EHHADH: variants seen among roughly 807,000 people sequenced by gnomAD.
The protein encoded by EHHADH is enoyl-CoA hydratase and 3-hydroxyacyl CoA dehydrogenase.
EHHADH carries 48 observed loss-of-function variants against 64.4 expected under a neutral mutation model. That is an observed-to-expected ratio of 0.75 (90% CI 0.59 to 0.95). The LOEUF (loss-of-function observed/expected upper bound fraction) is 0.95. EHHADH is among the 40% of genes least tolerant of loss of function. EHHADH has a pLI of 0.00. For missense variants in EHHADH, 854 were observed against 876.6 expected (o/e 0.97, Z 0.33); for synonymous variants, 308 against 326.7 (o/e 0.94, Z 0.62).
At position 185,191,586 on chromosome 3, in the gene EHHADH, C is replaced by G. The variant is rs183441882; in HGVS notation, c.*640G>C. On this transcript the variant is annotated 3_prime_UTR_variant, in exon 7 of 7. Coordinates refer to ENST00000231887, the MANE Select transcript of EHHADH (RefSeq NM_001966.4). Reference sequence around the variant, plus strand: ...TGACAGGAAAACTGGTGTCATTACTCTATCACAGAATTGGGAAATCCTAGA... The same window carrying G: ...TGACAGGAAAACTGGTGTCATTACTGTATCACAGAATTGGGAAATCCTAGA... The G allele has an allele frequency of 6.6e-6, 1 of 152,336 alleles. No individual in the cohort carries two copies. Among genetic ancestry groups the G allele is most frequent in the Admixed American group, 6.5e-5 (1 of 15,302 alleles). The allele number at this position is 152,336 out of a possible 1,614,324, so 9.4% of individuals were successfully genotyped here. A position where few individuals can be genotyped will look rare whatever the true frequency, so the allele number is the denominator to read the frequency against.
chr3:185,235,597 G>T, intron 2 of EHHADH, 135 bp from the exon 3 acceptor site: 1 of 717,822 alleles, frequency 1.4e-6, no homozygotes, highest in Non-Finnish European at 2.0e-6. Context: ...AGTTCCTGAT[G>T]ACTAAAGTCT....
At chr3:185,228,257 A>AAATATATAT (rs1367786172) in intron 4 of EHHADH, among the ~76,000 whole-genome samples, 2 of 22,012 alleles carry the variant, frequency 9.1e-5, no homozygotes, top group African/African-American at 1.2e-4. Context: ...AAAAAAAAAA[A>AAATATATAT]ATATATATAT....
At chr3:185,229,965 T>A (rs558048228) in intron 3 of EHHADH, among the ~76,000 whole-genome samples, 3 of 152,286 alleles carry the variant, frequency 2.0e-5, no homozygotes, top group Non-Finnish European at 4.4e-5. Flanking sequence ...TAAAGAACTT[T>A]ACAAATCAAT....
At chr3:185,232,531 C>A (rs9290813) in intron 3 of EHHADH, among the ~76,000 whole-genome samples, 1 of 151,864 alleles carries the variant, frequency 6.6e-6, no homozygotes, top group African/African-American at 2.4e-5. Context: ...TCACTGCAAC[C>A]TCCGTCTCCT....
At chr3:185,220,155 C>G (rs532276238) in intron 4 of EHHADH, among the ~76,000 whole-genome samples, 20 of 152,240 alleles carry the variant, frequency 1.3e-4, no homozygotes, top group African/African-American at 4.8e-4. Flanking sequence ...AGAATGTGAG[C>G]TACTCCCAGA....
At chr3:185,224,272 G>A (rs1183306423) in intron 4 of EHHADH, among the ~76,000 whole-genome samples, 2 of 151,898 alleles carry the variant, frequency 1.3e-5, no homozygotes, top group African/African-American at 4.8e-5. Flanking sequence ...GGCCGAGGCG[G>A]GTGGCTCACT....
intron 5 of EHHADH, among the ~76,000 whole-genome samples, chr3:185,205,120 T>A (rs984968499): frequency 6.6e-6 from 1 of 151,662 alleles, no homozygotes; most frequent in Non-Finnish European, 1.5e-5. Context: ...TAAATATTAA[T>A]GAGTCTAAGG....
At chr3:185,197,275 C>G (rs1718088391) in intron 6 of EHHADH, among the ~76,000 whole-genome samples, 1 of 152,166 alleles carries the variant, frequency 6.6e-6, no homozygotes, top group Admixed American at 6.5e-5. Context: ...GATATGCTTA[C>G]TATGCATTTT....
intron 4 of EHHADH, among the ~76,000 whole-genome samples, chr3:185,221,292 C>A (rs929519280): frequency 2.0e-5 from 3 of 152,078 alleles, no homozygotes; most frequent in Non-Finnish European, 2.9e-5. Context: ...CCTATTTTGT[C>A]TTTTGCACAA....
At chr3:185,208,612 A>G (rs1718459901) in intron 5 of EHHADH, among the ~76,000 whole-genome samples, 1 of 152,178 alleles carries the variant, frequency 6.6e-6, no homozygotes, top group Non-Finnish European at 1.5e-5. Context: ...AAAACAGTTT[A>G]GTTGTTTCTT....
intron 5 of EHHADH, among the ~76,000 whole-genome samples, chr3:185,206,071 C>T (rs921076508): frequency 2.6e-5 from 4 of 152,140 alleles, no homozygotes; most frequent in African/African-American, 9.6e-5. Context: ...CTGACTCATA[C>T]GATCTCAAAC....
chr3:185,205,828 G>A (rs565326198), intron 5 of EHHADH, among the ~76,000 whole-genome samples: 21 of 152,106 alleles, frequency 1.4e-4, no homozygotes, highest in Non-Finnish European at 2.4e-4. Flanking sequence ...CAACCAGAGG[G>A]AACAGAACTG....
At chr3:185,206,555 C>A (rs963420354) in intron 5 of EHHADH, among the ~76,000 whole-genome samples, 2 of 152,146 alleles carry the variant, frequency 1.3e-5, no homozygotes, top group African/African-American at 4.8e-5. Context: ...CAGCCAGGTG[C>A]AGTGGCTCAC....
intron 2 of EHHADH, chr3:185,246,237 A>C: frequency 1.1e-6 from 1 of 901,300 alleles, no homozygotes; most frequent in South Asian, 1.5e-5. Context: ...CAAGTCATCT[A>C]GATCATCAGA....
intron 2 of EHHADH, among the ~76,000 whole-genome samples, chr3:185,247,397 CCAAA>C (rs1719623720): frequency 6.6e-6 from 1 of 152,052 alleles, no homozygotes; most frequent in South Asian, 2.1e-4. Flanking sequence ...CCTTAAATTT[CCAAA>C]CAGTGAGTAA....
intron 2 of EHHADH, among the ~76,000 whole-genome samples, chr3:185,244,547 T>C (rs1719544074): frequency 6.6e-6 from 1 of 152,202 alleles, no homozygotes; most frequent in African/African-American, 2.4e-5. Flanking sequence ...CTGAGTTGAA[T>C]AGTGTTTACC....
intron 5 of EHHADH, among the ~76,000 whole-genome samples, chr3:185,210,425 G>A (rs908550624): frequency 6.6e-6 from 1 of 152,066 alleles, no homozygotes. Context: ...CATGAGGTCA[G>A]CAGTTCAGGA....
chr3:185,245,773 G>A, intron 2 of EHHADH: 1 of 713,642 alleles, frequency 1.4e-6, no homozygotes, highest in Non-Finnish European at 2.5e-6. Context: ...ATAGTTTACA[G>A]ATATCTGTAA....
chr3:185,253,876 G>C, intron 1 of EHHADH, 73 bp downstream of exon 1: 1 of 1,587,138 alleles, frequency 6.3e-7, no homozygotes, highest in South Asian at 1.1e-5. Context: ...ACGGGGGAGA[G>C]TCAAAGCCTC....
Sources: allele counts gnomAD v4.1 joint callset (sites outside exome capture counted in the v4.1 genomes callset), GRCh38; gene constraint gnomAD v4.1.1; transcripts MANE v1.5; gene names NCBI Gene and HGNC (gene_info 2026-07-23, HGNC 2026-07-21).